Variants in FBXO11 observed in about 807,000 individuals in gnomAD.
FBXO11 encodes the protein F-box only protein 11.
Under a neutral mutation model 117.0 loss-of-function variants are expected in FBXO11, and 13 were observed. That is an observed-to-expected ratio of 0.11 (90% CI 0.07 to 0.18). The LOEUF is 0.18. FBXO11 is among the 10% of genes least tolerant of loss of function. The pLI is 1.00. For synonymous variants in FBXO11, 490 were observed against 380.5 expected (o/e 1.29, Z -3.35); for missense variants, 767 against 1,164.4 (o/e 0.66, Z 4.97).
chr2:47,864,509 C>T (rs146101703), intron 1 of FBXO11, among the ~76,000 whole-genome samples: 2 of 152,140 alleles, frequency 1.3e-5, no homozygotes, highest in African/African-American at 4.8e-5. Flanking sequence ...ATTGCTTGAA[C>T]CCGGGAGGCA....
At chr2:47,862,691 A>G (rs1342158066) in intron 1 of FBXO11, among the ~76,000 whole-genome samples, 2 of 152,188 alleles carry the variant, frequency 1.3e-5, no homozygotes, top group African/African-American at 4.8e-5. Flanking sequence ...CCACAGTACA[A>G]GTACATAAAT....
intron 11 of FBXO11, among the ~76,000 whole-genome samples, chr2:47,823,675 C>G (rs1376502176): frequency 6.6e-6 from 1 of 152,000 alleles, no homozygotes; most frequent in Non-Finnish European, 1.5e-5. Context: ...ACTGCTTGAA[C>G]CCGGGAGTCA....
chr2:47,889,633 GTTT>G (rs35254589), intron 1 of FBXO11, among the ~76,000 whole-genome samples: 3 of 148,358 alleles, frequency 2.0e-5, no homozygotes, highest in African/African-American at 4.9e-5. Context: ...AAGTGAGAGG[GTTT>G]TTTTTTTTTT....
intron 1 of FBXO11, among the ~76,000 whole-genome samples, chr2:47,842,664 G>A (rs1673102357): frequency 6.6e-6 from 1 of 151,600 alleles, no homozygotes; most frequent in South Asian, 2.1e-4. Flanking sequence ...CACACAGTAT[G>A]CCTGGGCTCA....
rs751174684 is a variant in FBXO11 at position 47,839,630 on chromosome 2, A to T, written c.360+12T>A. ...TCATTACAAAAAGAAAAGCAACTAC[A>T]GTTAAAGTTACCTCCATACTGTTCT... On this transcript the variant is annotated intron_variant, in intron 2 of 22. Coordinates refer to ENST00000403359, the MANE Select transcript of FBXO11 (RefSeq NM_001190274.2). 1.2e-6 allele frequency: 2 copies of T among 1,608,150 alleles called. No homozygotes were observed. Among genetic ancestry groups the T allele is most frequent in the Admixed American group, 3.4e-5 (2 of 58,502 alleles).
intron 1 of FBXO11, among the ~76,000 whole-genome samples, chr2:47,897,135 T>C (rs971813065): frequency 1.3e-5 from 2 of 152,230 alleles, no homozygotes; most frequent in South Asian, 2.1e-4. Flanking sequence ...AATAGTTACA[T>C]GCTCTTCCTC....
chr2:47,899,523 A>C (rs908345865), intron 1 of FBXO11, among the ~76,000 whole-genome samples: 2 of 152,206 alleles, frequency 1.3e-5, no homozygotes, highest in African/African-American at 4.8e-5. Flanking sequence ...AAAGATCACA[A>C]AGTAAGGCTC....
intron 1 of FBXO11, among the ~76,000 whole-genome samples, chr2:47,898,439 T>C (rs761489856): frequency 3.3e-5 from 5 of 152,220 alleles, no homozygotes; most frequent in Non-Finnish European, 7.3e-5. Flanking sequence ...AATCTAAAAC[T>C]AATTTAACGC....
At chr2:47,863,832 T>C (rs1674980231) in intron 1 of FBXO11, among the ~76,000 whole-genome samples, 1 of 152,092 alleles carries the variant, frequency 6.6e-6, no homozygotes, top group Admixed American at 6.5e-5. Context: ...TCCCAGCTAA[T>C]TGGGAGGTTG....
Position 47,839,113 on chromosome 2 carries a change from G to A in FBXO11, c.443-110C>T, listed in dbSNP as rs1029918993. 5.3e-6 allele frequency: 6 copies of A among 1,129,076 alleles called. No individual in the cohort carries two copies. In the Admixed American group the frequency reaches 1.3e-4, roughly 25 times the overall value. 69.9% of individuals were successfully genotyped at this position (1,129,076 alleles called of 1,614,324 possible). Reference sequence around the variant, plus strand: ...AATAGCTTTTTTTTTTTGGATAATGGTCATTTTATAAGCATGTGGGTTTCA... The same window carrying A: ...AATAGCTTTTTTTTTTTGGATAATGATCATTTTATAAGCATGTGGGTTTCA... On this transcript the variant is annotated intron_variant, in intron 3 of 22. Transcript: ENST00000403359.
intron 16 of FBXO11, among the ~76,000 whole-genome samples, chr2:47,816,176 T>G (rs1670991678): frequency 6.6e-6 from 1 of 152,130 alleles, no homozygotes; most frequent in Admixed American, 6.5e-5. Flanking sequence ...CTGCAATTTT[T>G]TTTTGTTTTG....
Position 47,823,369 on chromosome 2 carries a change from T to C in FBXO11, c.1399-9A>G, listed in dbSNP as rs1231636340. On this transcript the variant is annotated splice_polypyrimidine_tract_variant and intron_variant, in intron 11 of 22. Transcript: ENST00000403359. ...CAACTTTCAAAGTAACCCTGAAAAA[T>C]ACAGAAATTAAATCTGTAGGTAAAG... 9 of 1,577,694 alleles carry C rather than the reference T, an allele frequency of 5.7e-6. No individual in the cohort carries two copies. The highest frequency in any genetic ancestry group is 1.7e-4 in the Middle Eastern group (1 of 5,962).
At chr2:47,844,242 A>G (rs1673232977) in intron 1 of FBXO11, among the ~76,000 whole-genome samples, 1 of 151,842 alleles carries the variant, frequency 6.6e-6, no homozygotes, top group South Asian at 2.1e-4. Context: ...TCCTTCTTTT[A>G]TCCCTTCAAT....
intron 1 of FBXO11, among the ~76,000 whole-genome samples, chr2:47,885,061 T>C (rs530676426): frequency 2.0e-5 from 3 of 152,216 alleles, no homozygotes; most frequent in Non-Finnish European, 2.9e-5. Flanking sequence ...GAACTTACTA[T>C]GTAAAACATT....
intron 1 of FBXO11, among the ~76,000 whole-genome samples, chr2:47,846,975 T>A (rs1214197776): frequency 6.6e-6 from 1 of 152,170 alleles, no homozygotes; most frequent in Non-Finnish European, 1.5e-5. Flanking sequence ...CTGGTCGTGG[T>A]GGCTCACATC....
At chr2:47,896,892 T>C (rs1677709555) in intron 1 of FBXO11, among the ~76,000 whole-genome samples, 1 of 152,216 alleles carries the variant, frequency 6.6e-6, no homozygotes. Flanking sequence ...TATAGTGCCT[T>C]ACTCCAACTT....
At position 47,867,471 on chromosome 2, in the gene FBXO11, A is replaced by G. The variant is rs563754811; in HGVS notation, c.233-27702T>C. Among the ~76,000 whole-genome samples the G allele has an allele frequency of 7.5e-4, 115 of 152,354 alleles. No individual in the cohort carries two copies. The Middle Eastern group carries it at 0.017, about 23-fold the overall frequency. ...TGGTCAGAACTGTTCACACGGCCCA[A>G]TGACAAAGGGGTCAGGAAGTGCCAG... On this transcript the variant is annotated intron_variant, in intron 1 of 22. Coordinates refer to ENST00000403359, the MANE Select transcript of FBXO11 (RefSeq NM_001190274.2).
rs1021689213 is a variant in FBXO11 at position 47,906,164 on chromosome 2, G to A, written c.-444C>T. On this transcript the variant is annotated 5_prime_UTR_variant, in exon 1 of 23. Transcript: ENST00000403359. ...GCGGGGGGAGTGGGCGGGCGGGTGA[G>A]GAAGGGAGAAAAAGAGAGGGAGAGA... The A allele has an allele frequency of 2.5e-5, 5 of 196,932 alleles. No individual in the cohort carries two copies. The highest frequency in any genetic ancestry group is 7.6e-5 in the South Asian group (1 of 13,222). The allele number at this position is 196,932 out of a possible 1,614,324, so 12.2% of individuals were successfully genotyped here.
chr2:47,852,132 G>A (rs1673912572), intron 1 of FBXO11, among the ~76,000 whole-genome samples: 2 of 151,944 alleles, frequency 1.3e-5, no homozygotes, highest in African/African-American at 4.8e-5. Flanking sequence ...TGGGATTACA[G>A]GCACCTGCCA....
Sources: gnomAD v4.1 joint callset for allele counts (sites outside exome capture counted in the v4.1 genomes callset) on GRCh38, gnomAD v4.1.1 for gene constraint, MANE v1.5 for transcripts, NCBI Gene and HGNC (gene_info 2026-07-23, HGNC 2026-07-21) for gene names.